LINGO1: variants seen among roughly 807,000 people sequenced by gnomAD.
LINGO1 encodes the protein leucine rich repeat and Ig domain containing 1, also known as leucine-rich repeat and immunoglobulin-like domain-containing nogo receptor-interacting protein 1.
Under a neutral mutation model 37.3 loss-of-function variants are expected in LINGO1, and 11 were observed. The observed-to-expected ratio is 0.29, with a 90% CI of 0.19 to 0.49. The LOEUF (loss-of-function observed/expected upper bound fraction) is 0.49. Among genes scored for constraint, LINGO1 ranks in the 20% least tolerant of loss-of-function variants. The pLI is 0.99. For synonymous variants in LINGO1, 387 were observed against 403.0 expected, an observed-to-expected ratio of 0.96 and a Z score of 0.48; for missense variants, 585 against 878.2, an observed-to-expected ratio of 0.67 and a Z score of 4.22.
At chr15:77,818,006 TC>T (rs1282215918) in intron 1 of LINGO1, among the ~76,000 whole-genome samples, 1 of 152,020 alleles carries the variant, frequency 6.6e-6, no homozygotes, top group Non-Finnish European at 1.5e-5. Flanking sequence ...ACCACACCCC[TC>T]CACACAGCAT....
rs1394289168 is a variant in LINGO1 at position 77,615,913 on chromosome 15, G to C, written c.7-13C>G. Reference sequence around the variant, plus strand: ...TCCTCTTGCTCACCTGCAGCCGGGAGCAAGCACAGGACAGAGGTGGCGGTT... The same window carrying C: ...TCCTCTTGCTCACCTGCAGCCGGGACCAAGCACAGGACAGAGGTGGCGGTT... On this transcript the variant is annotated splice_polypyrimidine_tract_variant and intron_variant, in intron 1 of 1. Transcript: ENST00000355300. 1.4e-6 allele frequency: 2 copies of C among 1,459,350 alleles called. No homozygotes were observed. Among genetic ancestry groups the C allele is most frequent in the Admixed American group, 5.2e-5 (2 of 38,524 alleles). The allele number at this position is 1,459,350 out of a possible 1,614,324, so 90.4% of individuals were successfully genotyped here.
chr15:77,696,797 A>G (rs1430279199), upstream of LINGO1, among the ~76,000 whole-genome samples: 1 of 152,122 alleles, frequency 6.6e-6, no homozygotes, highest in Admixed American at 6.5e-5. Context: ...TCATCTTCCC[A>G]ACCCCCACCC....
At chr15:77,630,039 C>T (rs2074206907) in intron 1 of LINGO1, among the ~76,000 whole-genome samples, 1 of 152,082 alleles carries the variant, frequency 6.6e-6, no homozygotes, top group African/African-American at 2.4e-5. Flanking sequence ...AACAGAAAGC[C>T]TCCAGAGACT....
rs772484972 is a variant in LINGO1, at chr15:77,615,619, G to T, written c.288C>A (p.His96Gln). 6.2e-7 allele frequency: 1 copy of T among 1,612,278 alleles called. No homozygotes were observed. Among genetic ancestry groups the T allele is most frequent in the South Asian group, 1.1e-5 (1 of 90,770 alleles). ...LNQDEFASFP[H>Q]LEELELNENI... ...TCTCGTTGAGCTCCAGCTCCTCCAG[G>T]TGCGGGAAGCTGGCGAACTCGTCCT... Residue 96 changes from histidine (H) to glutamine (Q), a missense_variant, in exon 2 of 2, where the codon CAC (histidine) becomes CAA (glutamine). By Grantham distance (24) the His-to-Gln change is conservative (BLOSUM62 0). Around this residue, in one of 4 missense-constraint regions of LINGO1, gnomAD observed 484 missense variants for 735.0 expected, o/e 0.66. Coordinates refer to ENST00000355300, the MANE Select transcript of LINGO1 (RefSeq NM_032808.7).
intron 2 of LINGO1, among the ~76,000 whole-genome samples, chr15:77,730,841 A>G (rs2076147810): frequency 2.0e-5 from 3 of 152,236 alleles, no homozygotes; most frequent in Non-Finnish European, 4.4e-5. Flanking sequence ...GCCTGGCCAC[A>G]GAAAGGCTGG....
chr15:77,719,977 G>A (rs565755758), intron 2 of LINGO1, among the ~76,000 whole-genome samples: 12 of 150,310 alleles, frequency 8.0e-5, no homozygotes, highest in Middle Eastern at 3.4e-3. Context: ...CTGAGGCTGG[G>A]GACAGTGAAG....
chr15:77,813,568 G>A (rs1005629608), intron 1 of LINGO1, among the ~76,000 whole-genome samples: 1 of 152,162 alleles, frequency 6.6e-6, no homozygotes, highest in Non-Finnish European at 1.5e-5. Context: ...GGCAGAGGCT[G>A]GTCCTACTCA....
At chr15:77,671,661 C>T (rs1211971752) in intron 3 of LINGO1, among the ~76,000 whole-genome samples, 2 of 152,232 alleles carry the variant, frequency 1.3e-5, no homozygotes, top group East Asian at 3.8e-4. Flanking sequence ...GGCAGGAAGG[C>T]GGTCCCCGCC....
chr15:77,632,230 A>G lies in LINGO1; in HGVS notation c.6+80T>C. 1 of 1,293,814 alleles carries G rather than the reference A, an allele frequency of 7.7e-7. No individual in the cohort carries two copies. The highest frequency in any genetic ancestry group is 9.8e-7 in the Non-Finnish European group (1 of 1,021,670). 80.1% of individuals were successfully genotyped at this position (1,293,814 alleles called of 1,614,324 possible). A position where few individuals can be genotyped will look rare whatever the true frequency, so the allele number is the denominator to read the frequency against. ...GTGCCCTGCAACCCCAGGAGGGCGC[A>G]GCCAGGGCCGATGGCGGCCCCCAGG... On this transcript the variant is annotated intron_variant, in intron 1 of 1. Transcript: ENST00000355300. The surrounding 1 kb of genome is among the most constrained non-coding windows in gnomAD (Gnocchi z 6.0).
intron 1 of LINGO1, among the ~76,000 whole-genome samples, chr15:77,802,126 G>A (rs1029127383): frequency 1.2e-4 from 19 of 152,130 alleles, no homozygotes; most frequent in Non-Finnish European, 8.8e-5. Flanking sequence ...AGAGTGGGGG[G>A]ATGAGCCCAT....
At chr15:77,694,942 G>A (rs2075664771) in intron 1 of LINGO1, among the ~76,000 whole-genome samples, 1 of 152,150 alleles carries the variant, frequency 6.6e-6, no homozygotes, top group African/African-American at 2.4e-5. Context: ...GGATTGCCAG[G>A]TGGGGAAGCT....
intron 2 of LINGO1, among the ~76,000 whole-genome samples, chr15:77,794,015 C>A (rs992816821): frequency 6.6e-6 from 1 of 152,132 alleles, no homozygotes; most frequent in South Asian, 2.1e-4. Flanking sequence ...GCCCTCCTGC[C>A]CTGCGTCAGC....
At chr15:77,622,720 G>A (rs1457575138) in intron 1 of LINGO1, among the ~76,000 whole-genome samples, 1 of 152,222 alleles carries the variant, frequency 6.6e-6, no homozygotes. Flanking sequence ...TGGGGGCGCA[G>A]TGGGGCCCAT....
chr15:77,778,697 AC>A (rs2141420740), intron 1 of LINGO1, among the ~76,000 whole-genome samples: 1 of 152,284 alleles, frequency 6.6e-6, no homozygotes, highest in African/African-American at 2.4e-5. Flanking sequence ...CTCCACGGCC[AC>A]CAGCACAGAC....
At chr15:77,688,199 A>G (rs982383946) in intron 2 of LINGO1, among the ~76,000 whole-genome samples, 1 of 152,246 alleles carries the variant, frequency 6.6e-6, no homozygotes, top group Non-Finnish European at 1.5e-5. Context: ...CAGCAGGGCC[A>G]GGGCAGGAGG....
chr15:77,772,139 C>T (rs1018652724), intron 1 of LINGO1, among the ~76,000 whole-genome samples: 12 of 152,222 alleles, frequency 7.9e-5, no homozygotes, highest in African/African-American at 2.9e-4. Flanking sequence ...ACAGGTGCTC[C>T]AGGGCCAAGG....
chr15:77,623,438 T>C (rs2073984907), intron 1 of LINGO1, among the ~76,000 whole-genome samples: 1 of 152,184 alleles, frequency 6.6e-6, no homozygotes. Context: ...CGCTGAGGTG[T>C]GAATGGCTGA....
At chr15:77,801,049 C>T (rs1178126508) in intron 1 of LINGO1, among the ~76,000 whole-genome samples, 2 of 152,186 alleles carry the variant, frequency 1.3e-5, no homozygotes, top group Non-Finnish European at 2.9e-5. Flanking sequence ...GAAATGAGCA[C>T]TCCCAGACCA....
chr15:77,738,777 AAGGAAGG>A (rs1385870531), intron 1 of LINGO1, among the ~76,000 whole-genome samples: 2 of 151,174 alleles, frequency 1.3e-5, no homozygotes, highest in Non-Finnish European at 3.0e-5. Flanking sequence ...GGAAGGAAGG[AAGGAAGG>A]AAGGAAGGAA....
Sources: allele counts gnomAD v4.1 joint callset (sites outside exome capture counted in the v4.1 genomes callset), GRCh38; gene constraint gnomAD v4.1.1; regional missense constraint gnomAD v4.1.1; non-coding constraint Gnocchi (gnomAD v3.1); transcripts MANE v1.5; gene names NCBI Gene and HGNC (gene_info 2026-07-23, HGNC 2026-07-21).